LRRC4C: variants seen among roughly 807,000 people sequenced by gnomAD.
LRRC4C encodes leucine rich repeat containing 4C, also known as leucine-rich repeat-containing protein 4C.
In LRRC4C, 5 loss-of-function variants were observed where a neutral mutation model predicts 33.6. The observed-to-expected ratio is 0.15, with a 90% CI of 0.08 to 0.31. The LOEUF (loss-of-function observed/expected upper bound fraction) is 0.31. Ranked by LOEUF, LRRC4C falls within the 10% of genes least tolerant of loss-of-function variation. The pLI is 1.00. For missense variants in LRRC4C, 560 were observed against 796.7 expected (o/e 0.70, Z 3.58); for synonymous variants, 329 against 302.0 (o/e 1.09, Z -0.93).
At chr11:40,738,856 A>G (rs1948013026) in intron 2 of LRRC4C, among the ~76,000 whole-genome samples, 1 of 152,054 alleles carries the variant, frequency 6.6e-6, no homozygotes, top group Admixed American at 6.6e-5. Flanking sequence ...TGCCCCACCC[A>G]GTGCAGGACT....
intron 6 of LRRC4C, among the ~76,000 whole-genome samples, chr11:40,118,781 C>T (rs531128566): frequency 1.7e-4 from 26 of 152,186 alleles, no homozygotes; most frequent in Non-Finnish European, 2.5e-4. Context: ...GGGTTGGTTA[C>T]GTCAAACTTA....
At chr11:40,777,996 A>AT (rs1950075958) in intron 2 of LRRC4C, among the ~76,000 whole-genome samples, 2 of 151,994 alleles carry the variant, frequency 1.3e-5, no homozygotes, top group African/African-American at 2.4e-5. Flanking sequence ...CCAGATCTTG[A>AT]TTTTTTTAAT....
intron 1 of LRRC4C, among the ~76,000 whole-genome samples, chr11:41,043,068 C>CTTTTT (rs67605827): frequency 6.1e-4 from 46 of 75,776 alleles, no homozygotes; most frequent in Non-Finnish European, 7.5e-4. Flanking sequence ...CAGAATAGAC[C>CTTTTT]TTTTTTTTTT....
intron 3 of LRRC4C, among the ~76,000 whole-genome samples, chr11:40,412,783 C>A (rs1434051277): frequency 2.0e-5 from 3 of 151,964 alleles, no homozygotes; most frequent in Admixed American, 2.0e-4. Context: ...TGGGGCAGTC[C>A]CTGCAACACT....
At chr11:40,413,077 G>A (rs1950207787) in intron 3 of LRRC4C, among the ~76,000 whole-genome samples, 2 of 151,950 alleles carry the variant, frequency 1.3e-5, no homozygotes, top group Non-Finnish European at 2.9e-5. Flanking sequence ...AGACAATGAA[G>A]ACTATTAAAA....
Position 40,640,281 on chromosome 11 carries a change from C to A in LRRC4C, c.-270+7861G>T, listed in dbSNP as rs149104406. 4.4e-3 allele frequency among the ~76,000 whole-genome samples: 677 copies of A among 152,138 alleles called. 7 individuals carry two copies. Among genetic ancestry groups the A allele is most frequent in the African/African-American group, 0.016 (655 of 41,528 alleles). The stretch of plus-strand genomic sequence containing the variant: ...ATTGTGTTAAGATATTTCTCATGGG[C>A]TTTTTATCTTTGAACTAACTTATAC... On this transcript the variant is annotated intron_variant, in intron 3 of 6. Transcript: ENST00000528697.
intron 1 of LRRC4C, among the ~76,000 whole-genome samples, chr11:41,054,170 A>G (rs1858451486): frequency 6.6e-6 from 1 of 152,236 alleles, no homozygotes; most frequent in African/African-American, 2.4e-5. Context: ...CCATGCACAC[A>G]AATGAGATTC....
chr11:41,205,044 GT>G (rs1653988682), intron 1 of LRRC4C, among the ~76,000 whole-genome samples: 1 of 152,128 alleles, frequency 6.6e-6, no homozygotes, highest in South Asian at 2.1e-4. Flanking sequence ...AGGTAAAAAT[GT>G]TTGGTAATTG....
At chr11:40,651,008 T>G (rs973840952) in intron 2 of LRRC4C, among the ~76,000 whole-genome samples, 2 of 152,190 alleles carry the variant, frequency 1.3e-5, no homozygotes, top group Non-Finnish European at 2.9e-5. Flanking sequence ...TTAGAAAGCC[T>G]CTCTAGTTTC....
chr11:40,940,946 A>C (rs1017736100), intron 1 of LRRC4C, among the ~76,000 whole-genome samples: 1 of 146,944 alleles, frequency 6.8e-6, no homozygotes. Flanking sequence ...TTTTTTGGAC[A>C]CTAGTTCTGA....
intron 3 of LRRC4C, among the ~76,000 whole-genome samples, chr11:40,427,221 G>A (rs1231385767): frequency 6.6e-6 from 1 of 152,040 alleles, no homozygotes; most frequent in African/African-American, 2.4e-5. Flanking sequence ...ATTAAGTTGA[G>A]GACCGGGCAT....
intron 1 of LRRC4C, among the ~76,000 whole-genome samples, chr11:41,103,426 T>C (rs985233245): frequency 3.9e-5 from 6 of 152,044 alleles, no homozygotes; most frequent in African/African-American, 1.4e-4. Context: ...CATATATGGA[T>C]TGATATTATA....
intron 2 of LRRC4C, among the ~76,000 whole-genome samples, chr11:40,864,375 C>T (rs1469561241): frequency 1.3e-5 from 2 of 152,058 alleles, no homozygotes; most frequent in African/African-American, 4.8e-5. Flanking sequence ...AGCCAACACA[C>T]ACTAATTTAT....
chr11:40,936,839 G>A (rs2136533688), intron 1 of LRRC4C, among the ~76,000 whole-genome samples: 1 of 152,214 alleles, frequency 6.6e-6, no homozygotes, highest in Admixed American at 6.5e-5. Flanking sequence ...TGCCAACCTA[G>A]ACAGCTTTCT....
intron 3 of LRRC4C, chr11:40,447,113 T>A: frequency 5.6e-6 from 1 of 177,234 alleles, no homozygotes. Flanking sequence ...CTTCCACTCC[T>A]CCCAGGTGAA....
rs552762641 is a variant in LRRC4C, at chr11:40,318,262, G to T, written c.-176+1366C>A. ...CTCTTTCTCTACAGAAGCCACAATGGTCTAATTTATTATTATTATTATTAT... is the reference window on the plus strand; with the variant it reads ...CTCTTTCTCTACAGAAGCCACAATGTTCTAATTTATTATTATTATTATTAT... On this transcript the variant is annotated intron_variant, in intron 4 of 6. Transcript: ENST00000528697. Among the ~76,000 whole-genome samples, 5 of 152,104 alleles carry T rather than the reference G, an allele frequency of 3.3e-5. No individual in the cohort carries two copies. The East Asian group carries it at 9.6e-4, about 29-fold the overall frequency.
chr11:40,934,039 C>A (rs1433006022), intron 1 of LRRC4C, among the ~76,000 whole-genome samples: 1 of 152,146 alleles, frequency 6.6e-6, no homozygotes, highest in African/African-American at 2.4e-5. Flanking sequence ...AAAGGCATAT[C>A]TGGTGCTGTT....
At chr11:40,539,075 T>C (rs1328154073) in intron 3 of LRRC4C, among the ~76,000 whole-genome samples, 1 of 152,156 alleles carries the variant, frequency 6.6e-6, no homozygotes, top group Non-Finnish European at 1.5e-5. Flanking sequence ...TTTCATCCTC[T>C]GCCCAACAGA....
rs568104175 is a variant in LRRC4C, at chr11:40,958,295, C to T, written c.-495-24572G>A. Among the ~76,000 whole-genome samples, 165 of 151,858 alleles carry T rather than the reference C, an allele frequency of 1.1e-3. 2 individuals carry two copies. In the South Asian group the frequency reaches 0.016, roughly 15 times the overall value. Reference sequence around the variant, plus strand: ...TTCTTTATGCTCTCACTTTTTTCAACTGTAAAATAGGGATGATGACAATAT... The same window carrying T: ...TTCTTTATGCTCTCACTTTTTTCAATTGTAAAATAGGGATGATGACAATAT... On this transcript the variant is annotated intron_variant, in intron 1 of 6. Transcript: ENST00000528697.
Sources: allele counts gnomAD v4.1 joint callset (sites outside exome capture counted in the v4.1 genomes callset), GRCh38; gene constraint gnomAD v4.1.1; transcripts MANE v1.5; gene names NCBI Gene and HGNC (gene_info 2026-07-23, HGNC 2026-07-21).